KDM4C: variants seen among roughly 807,000 people sequenced by gnomAD.
KDM4C encodes the protein lysine-specific demethylase 4C.
In KDM4C, 81 loss-of-function variants were observed where a neutral mutation model predicts 129.3. The observed-to-expected ratio is 0.63, with a 90% confidence interval of 0.52 to 0.75. The LOEUF (loss-of-function observed/expected upper bound fraction) is 0.75, where lower values mean the gene tolerates loss of function less well. Among genes scored for constraint, KDM4C ranks in the 30% least tolerant of loss-of-function variants. The probability of loss-of-function intolerance (pLI) is 0.00; values close to 1 mark genes in which losing one functional copy is unlikely to be tolerated. For missense variants in KDM4C, 1,457 were observed against 1,304.0 expected (o/e 1.12, Z -1.81); for synonymous variants, 573 against 456.1 (o/e 1.26, Z -3.26).
At chr9:7,039,090 T>A (rs1204811112) in intron 15 of KDM4C, among the ~76,000 whole-genome samples, 1 of 152,046 alleles carries the variant, frequency 6.6e-6, no homozygotes, top group Non-Finnish European at 1.5e-5. Flanking sequence ...GAGCCGTATT[T>A]GTCCTAACTT....
chr9:7,132,117 C>T (rs531913079), intron 19 of KDM4C, among the ~76,000 whole-genome samples: 361 of 152,328 alleles, frequency 2.4e-3, no homozygotes, highest in Non-Finnish European at 4.4e-3. Flanking sequence ...AGTGCAATTT[C>T]AGTTTCCTAT....
chr9:6,769,405 T>A (rs1016632490), intron 1 of KDM4C, among the ~76,000 whole-genome samples: 9 of 152,184 alleles, frequency 5.9e-5, no homozygotes, highest in African/African-American at 2.2e-4. Flanking sequence ...CAGTTATATT[T>A]GGGATCTGGG....
At chr9:6,840,357 G>A (rs1588627879) in intron 4 of KDM4C, among the ~76,000 whole-genome samples, 1 of 151,908 alleles carries the variant, frequency 6.6e-6, no homozygotes, top group Admixed American at 6.6e-5. Flanking sequence ...ACAGGCACGA[G>A]CCACTGAACC....
intron 1 of KDM4C, among the ~76,000 whole-genome samples, chr9:6,743,309 A>G (rs1817765101): frequency 6.6e-6 from 1 of 152,070 alleles, no homozygotes; most frequent in Non-Finnish European, 1.5e-5. Context: ...AATTACATCT[A>G]CCTTGCACAT....
At chr9:6,977,101 G>A (rs1833048453) in intron 8 of KDM4C, among the ~76,000 whole-genome samples, 1 of 152,096 alleles carries the variant, frequency 6.6e-6, no homozygotes, top group South Asian at 2.1e-4. Context: ...ACCTGCCTCG[G>A]CCTCCCAAAG....
chr9:6,910,990 T>G (rs1473491384), intron 8 of KDM4C, among the ~76,000 whole-genome samples: 2 of 152,216 alleles, frequency 1.3e-5, no homozygotes, highest in Non-Finnish European at 2.9e-5. Context: ...GTTTGAATGC[T>G]TACTTGTATT....
chr9:7,053,965 C>T (rs996140487), intron 17 of KDM4C, among the ~76,000 whole-genome samples: 1 of 152,218 alleles, frequency 6.6e-6, no homozygotes, highest in Non-Finnish European at 1.5e-5. Flanking sequence ...CAGCATTCTT[C>T]TGATATTTAA....
At chr9:6,917,651 T>C (rs1346251256) in intron 8 of KDM4C, among the ~76,000 whole-genome samples, 3 of 152,198 alleles carry the variant, frequency 2.0e-5, no homozygotes, top group Non-Finnish European at 4.4e-5. Flanking sequence ...CCAGCCATGT[T>C]GCCGAGTTCG....
chr9:6,799,525 A>G (rs573245742), intron 2 of KDM4C, among the ~76,000 whole-genome samples: 10 of 152,042 alleles, frequency 6.6e-5, no homozygotes, highest in Non-Finnish European at 1.2e-4. Context: ...GCACAGTCCA[A>G]CTTCGGCTTG....
At chr9:7,049,854 G>T (rs1263303906) in intron 17 of KDM4C, among the ~76,000 whole-genome samples, 1 of 151,918 alleles carries the variant, frequency 6.6e-6, no homozygotes, top group Non-Finnish European at 1.5e-5. Flanking sequence ...CTTAGTTTAG[G>T]CCCTTATATT....
At position 6,758,194 on chromosome 9, in the gene KDM4C, C is replaced by G; in HGVS notation, c.-27C>G. The G allele has an allele frequency of 2.0e-6, 2 of 985,954 alleles. No individual in the cohort carries two copies. The highest frequency in any genetic ancestry group is 2.4e-6 in the Non-Finnish European group (2 of 830,376). 61.1% of individuals were successfully genotyped at this position (985,954 alleles called of 1,614,324 possible). ...ACCGAGTCGTGCTCTCGCCCCAACC[C>G]GCGCGCCAGGTAACCGCTTTTCCGG... On this transcript the variant is annotated 5_prime_UTR_variant, in exon 1 of 22. Transcript: ENST00000381309. The surrounding 1 kb of genome is among the most constrained non-coding windows in gnomAD (Gnocchi z 4.6).
intron 3 of KDM4C, among the ~76,000 whole-genome samples, chr9:6,809,718 G>T (rs777444477): frequency 5.6e-4 from 86 of 152,268 alleles, no homozygotes; most frequent in African/African-American, 5.5e-4. Flanking sequence ...TCAAAAATAG[G>T]CTGGTTGTGG....
rs939727604 is a variant in KDM4C at position 6,720,940 on chromosome 9, G to C, written c.-9G>C. 16 of 1,551,332 alleles carry C rather than the reference G, an allele frequency of 1.0e-5. No individual in the cohort carries two copies. In the Admixed American group the frequency reaches 1.2e-4, roughly 11 times the overall value. Reference sequence around the variant, plus strand: ...CTGCATTCATGTGGAAGAGGCTAAAGGATGTTTGATGAAGCACTATGGGCT... The same window carrying C: ...CTGCATTCATGTGGAAGAGGCTAAACGATGTTTGATGAAGCACTATGGGCT... On this transcript the variant is annotated 5_prime_UTR_variant, in exon 1 of 18. Coordinates refer to the KDM4C transcript ENST00000536108.
intron 4 of KDM4C, among the ~76,000 whole-genome samples, chr9:6,831,635 C>T (rs547166727): frequency 6.6e-6 from 1 of 152,240 alleles, no homozygotes; most frequent in East Asian, 1.9e-4. Context: ...AGCCAGCGCA[C>T]CCGGCCTATG....
At chr9:6,781,402 CTG>C (rs1448069517) in intron 1 of KDM4C, among the ~76,000 whole-genome samples, 4 of 151,906 alleles carry the variant, frequency 2.6e-5, no homozygotes, top group African/African-American at 9.7e-5. Flanking sequence ...TTTAAAGACA[CTG>C]TATTTAAAAT....
intron 18 of KDM4C, among the ~76,000 whole-genome samples, chr9:7,125,628 AAAAGC>A (rs1211724036): frequency 6.6e-6 from 1 of 152,258 alleles, no homozygotes; most frequent in Non-Finnish European, 1.5e-5. Context: ...CGGGGGAAAC[AAAAGC>A]AAAGCCTCTG....
chr9:6,883,873 AG>A, intron 6 of KDM4C, among the ~76,000 whole-genome samples: 1 of 152,032 alleles, frequency 6.6e-6, no homozygotes, highest in Non-Finnish European at 1.5e-5. Context: ...GGATATTTCA[AG>A]GGGGTGGGAA....
intron 4 of KDM4C, among the ~76,000 whole-genome samples, chr9:6,828,748 G>A (rs1481227191): frequency 6.6e-6 from 1 of 152,118 alleles, no homozygotes; most frequent in Non-Finnish European, 1.5e-5. Context: ...ACACATGCCT[G>A]TAATCCCAGC....
chr9:6,788,366 C>T (rs1825889216), intron 1 of KDM4C, among the ~76,000 whole-genome samples: 1 of 152,174 alleles, frequency 6.6e-6, no homozygotes, highest in South Asian at 2.1e-4. Flanking sequence ...AATGCTCGGG[C>T]CACCCTTGTT....
Sources: gnomAD v4.1 joint callset for allele counts (sites outside exome capture counted in the v4.1 genomes callset) on GRCh38, gnomAD v4.1.1 for gene constraint, Gnocchi (gnomAD v3.1) non-coding constraint, MANE v1.5 for transcripts, NCBI Gene and HGNC (gene_info 2026-07-23, HGNC 2026-07-21) for gene names.